The following CASP6 variants were observed in gnomAD, a reference collection of about 807,000 sequenced individuals.
CASP6 encodes caspase-6.
Under a neutral mutation model 31.8 loss-of-function variants are expected in CASP6, and 20 were observed. The ratio of observed to expected loss-of-function variants is 0.63; its 90% CI spans 0.44 to 0.91. The LOEUF is 0.91. Among genes scored for constraint, CASP6 ranks in the 40% least tolerant of loss-of-function variants. The pLI, the probability that CASP6 is intolerant of heterozygous loss-of-function variation, is 0.00. For synonymous variants in CASP6, 130 were observed against 127.8 expected (o/e 1.02, Z -0.12); for missense variants, 328 against 361.1 (o/e 0.91, Z 0.74).
the CASP6 span, among the ~76,000 whole-genome samples, chr4:109,672,587 A>G: frequency 6.6e-6 from 1 of 152,370 alleles, no homozygotes; most frequent in South Asian, 2.1e-4. Flanking sequence ...ATCAACAAAT[A>G]ATAGAAGGCT....
At chr4:109,691,033 C>T (rs370385123) in intron 5 of CASP6, 24 bp from the exon 6 acceptor site, 2 of 1,593,856 alleles carry the variant, frequency 1.3e-6, no homozygotes, top group Admixed American at 1.7e-5. Context: ...AGGAAAAACC[C>T]ACCTCTTTGC....
the CASP6 span, among the ~76,000 whole-genome samples, chr4:109,679,519 G>A: frequency 1.3e-5 from 2 of 152,186 alleles, no homozygotes; most frequent in Non-Finnish European, 2.9e-5. Context: ...GGCAGCACGT[G>A]CCTGGAATCC....
chr4:109,706,004 A>ATATATATG (rs1730597987), upstream of CASP6, among the ~76,000 whole-genome samples: 1 of 44,060 alleles, frequency 2.3e-5, no homozygotes, highest in Non-Finnish European at 3.7e-5. Context: ...AAAAAAAAAT[A>ATATATATG]TATATATATA....
At chr4:109,696,974 G>A (rs1031476762) in intron 3 of CASP6, among the ~76,000 whole-genome samples, 1 of 151,838 alleles carries the variant, frequency 6.6e-6, no homozygotes, top group Admixed American at 6.6e-5. Flanking sequence ...TTTTAGGAGA[G>A]ACAGGGTTTC....
At chr4:109,701,289 A>C (rs999020777) in intron 1 of CASP6, among the ~76,000 whole-genome samples, 1 of 152,204 alleles carries the variant, frequency 6.6e-6, no homozygotes, top group Non-Finnish European at 1.5e-5. Flanking sequence ...AACCTGGATA[A>C]AGTAAGAAAT....
chr4:109,697,495 T>G (rs1730282180), intron 3 of CASP6, 127 bp downstream of exon 3: 2 of 1,033,924 alleles, frequency 1.9e-6, no homozygotes, highest in East Asian at 5.4e-5. Context: ...TCAAACTCCT[T>G]GCCTTAAGTG....
chr4:109,666,334 C>T, the CASP6 span, among the ~76,000 whole-genome samples: 1 of 152,144 alleles, frequency 6.6e-6, no homozygotes, highest in Non-Finnish European at 1.5e-5. Context: ...TGATTGCTGG[C>T]ACATATGGTG....
chr4:109,673,996 G>C, the CASP6 span: 1 of 1,043,296 alleles, frequency 9.6e-7, no homozygotes. Context: ...GAAGAGCAGG[G>C]GAAATACTAA....
chr4:109,664,477 T>G, the CASP6 span: 9 of 623,886 alleles, frequency 1.4e-5, no homozygotes, highest in Admixed American at 2.2e-4. Flanking sequence ...CAGGCTGGAG[T>G]ACAGTGACGT....
chr4:109,685,435 C>T, downstream of CASP6: 1 of 678,116 alleles, frequency 1.5e-6, no homozygotes, highest in Admixed American at 2.2e-5. Flanking sequence ...GGAAGTATAA[C>T]TGGTGGCTCA....
chr4:109,699,162 A>G (rs1271733001), intron 1 of CASP6, among the ~76,000 whole-genome samples: 1 of 152,242 alleles, frequency 6.6e-6, no homozygotes, highest in East Asian at 1.9e-4. Context: ...ATCTTCTACA[A>G]TAAAGGCCCC....
At chr4:109,691,357 T>C (rs1212537970) in intron 5 of CASP6, among the ~76,000 whole-genome samples, 1 of 152,198 alleles carries the variant, frequency 6.6e-6, no homozygotes, top group African/African-American at 2.4e-5. Context: ...TTTTGAAAGC[T>C]ATAGTATTGA....
At chr4:109,664,486 G>A in the CASP6 span, 18 of 603,344 alleles carry the variant, frequency 3.0e-5, no homozygotes, top group Admixed American at 3.8e-4. Context: ...GTACAGTGAC[G>A]TCGTCATAGC....
chr4:109,709,748 T>C, the CASP6 span, among the ~76,000 whole-genome samples: 1 of 152,350 alleles, frequency 6.6e-6, no homozygotes, highest in African/African-American at 2.4e-5. Flanking sequence ...GAGATAATTC[T>C]ACAACTTAAA....
chr4:109,708,004 G>C (rs893623497), upstream of CASP6, among the ~76,000 whole-genome samples: 3 of 152,076 alleles, frequency 2.0e-5, no homozygotes, highest in Admixed American at 6.6e-5. Context: ...AGCAACCTTA[G>C]AGTGGGAAAA....
chr4:109,696,411 C>G lies in CASP6; in HGVS notation c.306G>C (p.Glu102Asp), dbSNP rs759168093. The G allele has an allele frequency of 5.6e-6, 9 of 1,609,386 alleles. No homozygotes were observed. The highest frequency in any genetic ancestry group is 5.5e-5 in the South Asian group (5 of 90,776). Residue 102 changes from glutamate (E) to aspartate (D), a missense_variant and splice_region_variant, in exon 4 of 7, where the codon GAG becomes GAC. Transcript: ENST00000265164. ...KAEELLLKIH[E>D]VSTVSHADAD... is the part of the protein sequence containing the mutation. The stretch of plus-strand genomic sequence containing the variant: ...CTATATGATAGCAAAACTACCTACC[C>G]TCATGAATTTTGAGCAGTAGTTCTT...
At chr4:109,681,193 G>A in the CASP6 span, among the ~76,000 whole-genome samples, 1 of 152,178 alleles carries the variant, frequency 6.6e-6, no homozygotes, top group Non-Finnish European at 1.5e-5. Context: ...TCTCAAAGAG[G>A]TGGCTCTGAA....
the CASP6 span, chr4:109,673,792 T>C: frequency 4.7e-6 from 3 of 638,926 alleles, no homozygotes; most frequent in South Asian, 2.0e-5. Context: ...CAGAAGCCGG[T>C]TGGCGGGTGA....
At chr4:109,705,043 A>G (rs1730555434), upstream of CASP6, among the ~76,000 whole-genome samples, 1 of 152,198 alleles carries the variant, frequency 6.6e-6, no homozygotes, top group African/African-American at 2.4e-5. Flanking sequence ...ACGGCCTTCT[A>G]TTGGAAGAAG....
Sources: allele counts gnomAD v4.1 joint callset (sites outside exome capture counted in the v4.1 genomes callset), GRCh38; gene constraint gnomAD v4.1.1; transcripts MANE v1.5; gene names NCBI Gene and HGNC (gene_info 2026-07-23, HGNC 2026-07-21).